Variants in FSIP2 observed in about 807,000 individuals in gnomAD.
FSIP2 encodes fibrous sheath-interacting protein 2.
A neutral mutation model predicts 510.5 loss-of-function variants in FSIP2; 367 were observed. The ratio of observed to expected loss-of-function variants is 0.72; its 90% CI spans 0.66 to 0.78. The LOEUF (loss-of-function observed/expected upper bound fraction) is 0.78, where lower values mean the gene tolerates loss of function less well. FSIP2 is among the 30% of genes least tolerant of loss of function. The pLI is 0.00. For missense variants in FSIP2, 7,594 were observed against 7,901.7 expected, an observed-to-expected ratio of 0.96 and a Z score of 1.48; for synonymous variants, 2,601 against 2,732.2, an observed-to-expected ratio of 0.95 and a Z score of 1.50.
rs1293707423 is a variant in FSIP2 at position 185,801,574 on chromosome 2, T to C, written c.12268T>C (p.Tyr4090His). The change falls in exon 17 of 23, where the codon TAC becomes CAC. Residue 4090 changes from tyrosine to histidine, a missense_variant. Coordinates refer to ENST00000424728, the MANE Select transcript of FSIP2 (RefSeq NM_173651.4). ...TNGILLEILD[Y>H]KLPSCFKEHL... ...TGGCATATTGTTAGAGATTTTAGAC[T>C]ACAAACTGCCATCTTGCTTCAAGGA... is the stretch of plus-strand genomic sequence containing the variant. 7 of 1,534,108 alleles carry C rather than the reference T, an allele frequency of 4.6e-6. No individual in the cohort carries two copies. The South Asian group carries it at 4.8e-5, about 10-fold the overall frequency.
Position 185,796,627 on chromosome 2 carries a change from T to C in FSIP2, c.9491T>C (p.Met3164Thr). The C allele has an allele frequency of 6.5e-7, 1 of 1,535,064 alleles. No individual in the cohort carries two copies. Among genetic ancestry groups the C allele is most frequent in the Non-Finnish European group, 8.7e-7 (1 of 1,146,256 alleles). ...TVNQVELATN[M>T]KMFTSKLKEG... is the part of the protein sequence containing the mutation. ...AATCAGGTTGAATTAGCAACTAATATGAAAATGTTCACATCAAAGTTAAAG... is the reference window on the plus strand; with the variant it reads ...AATCAGGTTGAATTAGCAACTAATACGAAAATGTTCACATCAAAGTTAAAG... Residue 3164 changes from methionine (M) to threonine (T), a missense_variant, in exon 16 of 23, where the codon ATG becomes ACG. Physicochemically the swap from Met to Thr is moderately conservative, Grantham distance 81. Coordinates refer to ENST00000424728, the MANE Select transcript of FSIP2 (RefSeq NM_173651.4).
At chr2:185,756,921 G>A (rs760403641) in intron 9 of FSIP2, among the ~76,000 whole-genome samples, 4 of 151,200 alleles carry the variant, frequency 2.6e-5, no homozygotes, top group African/African-American at 4.8e-5. Flanking sequence ...TTTTCTTCCC[G>A]AGTATGCAAT....
At position 185,802,151 on chromosome 2, in the gene FSIP2, T is replaced by C; in HGVS notation, c.12845T>C (p.Val4282Ala). The C allele has an allele frequency of 6.5e-7, 1 of 1,533,182 alleles. No individual in the cohort carries two copies. The highest frequency in any genetic ancestry group is 1.2e-5 in the South Asian group (1 of 83,940). The allele number at this position is 1,533,182 out of a possible 1,614,324, so 95.0% of individuals were successfully genotyped here. A position where few individuals can be genotyped will look rare whatever the true frequency, so the allele number is the denominator to read the frequency against. The change falls in exon 17 of 23, where the codon GTT becomes GCT. Residue 4282 changes from valine (V) to alanine (A), a missense_variant. Transcript: ENST00000424728. ...CCACTGGATCCAGTGTCTACTATTG[T>C]TACACAGGTTCTGAGTGAAGTGATA... ...RTPLDPVSTI[V>A]TQVLSEVIES...
At chr2:185,768,478 T>C (rs1692541243) in intron 13 of FSIP2, among the ~76,000 whole-genome samples, 1 of 152,148 alleles carries the variant, frequency 6.6e-6, no homozygotes, top group African/African-American at 2.4e-5. Context: ...CTTCTGCCTG[T>C]GGACATACCG....
In FSIP2 at chr2:185,793,277, CATT is replaced by C; in HGVS notation, c.6144_6146del (p.Ile2049del). 6.5e-7 allele frequency: 1 copy of C among 1,534,066 alleles called. No individual in the cohort carries two copies. ...GTCAAATTGTTAACGCATTGTTAGACATTATATCACGTAAAGGCAAATGTGACA... is the reference window on the plus strand; with the variant it reads ...GTCAAATTGTTAACGCATTGTTAGACATATCACGTAAAGGCAAATGTGACA... On this transcript the variant is annotated inframe_deletion, in exon 16 of 23. Transcript: ENST00000424728.
chr2:185,827,151 T>C (rs959893909), intron 20 of FSIP2, among the ~76,000 whole-genome samples: 1 of 151,866 alleles, frequency 6.6e-6, no homozygotes, highest in African/African-American at 2.4e-5. Flanking sequence ...ATGTGCAATA[T>C]AGATTTAGGC....
Position 185,756,239 on chromosome 2 carries a change from TATCCTGCTGG to T in FSIP2, c.1041_1050del (p.Tyr347Ter), listed in dbSNP as rs745571898. The T allele has an allele frequency of 9.6e-6, 13 of 1,350,266 alleles. No individual in the cohort carries two copies. The highest frequency in any genetic ancestry group is 1.5e-5 in the African/African-American group (1 of 68,344). The allele number at this position is 1,350,266 out of a possible 1,614,324, so 83.6% of individuals were successfully genotyped here. Reference sequence around the variant, plus strand: ...GACTTCTGAAGATATAATGTTAGTTTATCCTGCTGGAGACCAGAATACATATAAAGAAACA... The same window carrying T: ...GACTTCTGAAGATATAATGTTAGTTTAGACCAGAATACATATAAAGAAACA... On this transcript the variant is annotated frameshift_variant, in exon 9 of 23. Coordinates refer to ENST00000424728, the MANE Select transcript of FSIP2 (RefSeq NM_173651.4). LOFTEE classifies it high-confidence loss of function.
At chr2:185,779,931 T>C (rs1482799490) in intron 13 of FSIP2, among the ~76,000 whole-genome samples, 1 of 151,846 alleles carries the variant, frequency 6.6e-6, no homozygotes. Flanking sequence ...GGGACAGTTT[T>C]TTTTTTTTTC....
At chr2:185,778,764 AT>A (rs1465411925) in intron 13 of FSIP2, among the ~76,000 whole-genome samples, 2 of 152,018 alleles carry the variant, frequency 1.3e-5, no homozygotes, top group African/African-American at 4.8e-5. Flanking sequence ...AAGACGGTGA[AT>A]TGTGTATTTC....
At chr2:185,774,524 G>GT (rs1444355291) in intron 13 of FSIP2, among the ~76,000 whole-genome samples, 1 of 151,654 alleles carries the variant, frequency 6.6e-6, no homozygotes, top group Non-Finnish European at 1.5e-5. Flanking sequence ...ATTGATTATG[G>GT]TAAGAAGGCT....
intron 9 of FSIP2, among the ~76,000 whole-genome samples, chr2:185,758,066 T>G (rs553226143): frequency 6.6e-6 from 1 of 151,250 alleles, no homozygotes; most frequent in South Asian, 2.1e-4. Flanking sequence ...TGTTGGAGAG[T>G]GTCATATAAA....
Position 185,796,295 on chromosome 2 carries a change from C to T in FSIP2, c.9159C>T (p.Ser3053=), listed in dbSNP as rs571526098. 9.8e-6 allele frequency: 15 copies of T among 1,532,912 alleles called. No homozygotes were observed. The highest frequency in any genetic ancestry group is 7.4e-5 in the East Asian group (3 of 40,788). The allele number at this position is 1,532,912 out of a possible 1,614,324, so 95.0% of individuals were successfully genotyped here. A position where few individuals can be genotyped will look rare whatever the true frequency, so the allele number is the denominator to read the frequency against. Residue 3053 remains serine (S), a synonymous_variant, in exon 16 of 23, where the codon TCC becomes TCT. Transcript: ENST00000424728. ...CACTGAAAATGTTTTCTGATAAATC[C>T]GAGTCAAATACTATTAATTTCAAGG... The part of the protein sequence containing the change: ...LQPLKMFSDK[S]ESNTINFKEN...
Position 185,805,380 on chromosome 2 carries a change from G to T in FSIP2, c.16074G>T (p.Gln5358His), listed in dbSNP as rs752514427. ...VDKISNFVYE[Q>H]FIEKCTSHDI... ...AAATATCCAATTTTGTATATGAACA[G>T]TTCATAGAAAAATGCACATCTCATG... Residue 5358 changes from glutamine to histidine, a missense_variant, in exon 17 of 23, where the codon CAG becomes CAT. Transcript: ENST00000424728. 1.3e-6 allele frequency: 2 copies of T among 1,597,664 alleles called. No individual in the cohort carries two copies. The highest frequency in any genetic ancestry group is 1.7e-6 in the Non-Finnish European group (2 of 1,173,808).
In FSIP2 at chr2:185,794,981, GA is replaced by G; in HGVS notation, c.7846del (p.Met2616TrpfsTer13). 1 of 1,533,994 alleles carries G rather than the reference GA, an allele frequency of 6.5e-7. No individual in the cohort carries two copies. The highest frequency in any genetic ancestry group is 8.7e-7 in the Non-Finnish European group (1 of 1,145,686). On this transcript the variant is annotated frameshift_variant, in exon 16 of 23. Transcript: ENST00000424728. LOFTEE classifies it high-confidence loss of function. ...SYVDSQNISVMENTLLPYLPL... is the reference protein window; with the variant it reads ...SYVDSQNISVXENTLLPYLPL... ...ATGTCGACAGTCAAAATATCTCTGT[GA>G]TGGAAAACACTCTTTTGCCATATTT...
At chr2:185,787,250 A>G (rs1693011400) in intron 15 of FSIP2, among the ~76,000 whole-genome samples, 1 of 151,814 alleles carries the variant, frequency 6.6e-6, no homozygotes, top group Non-Finnish European at 1.5e-5. Flanking sequence ...TCATCTCAAA[A>G]TATGTGTTTA....
rs1224926739 is a variant in FSIP2, at chr2:185,747,358, G to A, written c.805G>A (p.Asp269Asn). The A allele has an allele frequency of 6.5e-7, 1 of 1,533,146 alleles. No individual in the cohort carries two copies. Among genetic ancestry groups the A allele is most frequent in the Admixed American group, 2.0e-5 (1 of 50,954 alleles). 95.0% of individuals were successfully genotyped at this position (1,533,146 alleles called of 1,614,324 possible). The stretch of plus-strand genomic sequence containing the variant: ...GTTACTTCTGACAAGGATGGCAGAA[G>A]ATGTTAAAAGAGAAGAGAGGATAGA... The part of the protein sequence containing the change: ...EMLLLTRMAE[D>N]VKREERIEEQ... Residue 269 changes from aspartate (D) to asparagine (N), a missense_variant, in exon 7 of 23, where the codon GAT (aspartate) becomes AAT (asparagine). Asp to Asn is a conservative substitution (Grantham distance 23). Coordinates refer to ENST00000424728, the MANE Select transcript of FSIP2 (RefSeq NM_173651.4).
At chr2:185,766,181 G>C (rs1692473268) in intron 13 of FSIP2, 1 of 151,836 alleles carries the variant, frequency 6.6e-6, no homozygotes, top group African/African-American at 2.4e-5. Context: ...ATGGATTAAA[G>C]ACTTAAACGT....
At chr2:185,763,403 C>A in intron 12 of FSIP2, 114 bp downstream of exon 12, 1 of 635,632 alleles carries the variant, frequency 1.6e-6, no homozygotes, top group Non-Finnish European at 2.8e-6. Context: ...CAACTTTATT[C>A]CCTGAAATTA....
rs189396495 is a variant in FSIP2, at chr2:185,745,537, A to G, written c.586A>G (p.Ile196Val). The change falls in exon 5 of 23, where the codon ATT (isoleucine) becomes GTT (valine). Residue 196 changes from isoleucine (I) to valine (V), a missense_variant. Transcript: ENST00000424728. Reference protein sequence around the residue: ...NWLLKEGTESIKDQERLMRHR... With the variant: ...NWLLKEGTESVKDQERLMRHR... ...GTTGTTAAAGGAGGGCACTGAATCTATTAAGGACCAGGAGCGGCTGATGAG... is the reference window on the plus strand; with the variant it reads ...GTTGTTAAAGGAGGGCACTGAATCTGTTAAGGACCAGGAGCGGCTGATGAG... 5 of 1,535,708 alleles carry G rather than the reference A, an allele frequency of 3.3e-6. No homozygotes were observed. The highest frequency in any genetic ancestry group is 2.0e-5 in the Admixed American group (1 of 50,952).
Sources: allele counts gnomAD v4.1 joint callset (sites outside exome capture counted in the v4.1 genomes callset), GRCh38; gene constraint gnomAD v4.1.1; transcripts MANE v1.5; gene names NCBI Gene and HGNC (gene_info 2026-07-23, HGNC 2026-07-21).